The following DOCK4 variants were observed in gnomAD, a reference collection of about 807,000 sequenced individuals.
DOCK4 encodes the protein dedicator of cytokinesis protein 4.
Under a neutral mutation model 268.1 loss-of-function variants are expected in DOCK4, and 97 were observed. The observed-to-expected ratio is 0.36, with a 90% confidence interval of 0.31 to 0.43. The LOEUF (loss-of-function observed/expected upper bound fraction) is 0.43. Among genes scored for constraint, DOCK4 ranks in the 20% least tolerant of loss-of-function variants. The pLI is 1.00. For synonymous variants in DOCK4, 954 were observed against 887.2 expected, an observed-to-expected ratio of 1.08 and a Z score of -1.34; for missense variants, 2,145 against 2,455.7, an observed-to-expected ratio of 0.87 and a Z score of 2.67.
In DOCK4 at chr7:112,187,081, G is replaced by A. The variant is rs189241491; in HGVS notation, c.37+19021C>T. 1.8e-3 allele frequency among the ~76,000 whole-genome samples: 277 copies of A among 152,130 alleles called. 3 individuals carry two copies. Among genetic ancestry groups the A allele is most frequent in the African/African-American group, 6.0e-3 (250 of 41,522 alleles). On this transcript the variant is annotated intron_variant, in intron 1 of 52. Transcript: ENST00000428084. ...AAGCATGATAGACTAGCATTTATCA[G>A]TTACCTTTTTATTTTCAATCCTCAA...
chr7:111,885,097 T>C (rs903001876), intron 16 of DOCK4, among the ~76,000 whole-genome samples: 1 of 152,124 alleles, frequency 6.6e-6, no homozygotes, highest in African/African-American at 2.4e-5. Context: ...GTCATAGAAA[T>C]GAGGCTGGAA....
intron 1 of DOCK4, among the ~76,000 whole-genome samples, chr7:112,180,872 A>T (rs1818967492): frequency 6.6e-6 from 1 of 152,236 alleles, no homozygotes; most frequent in South Asian, 2.1e-4. Context: ...CATGTTGGTG[A>T]CACGGCAGTC....
intron 1 of DOCK4, among the ~76,000 whole-genome samples, chr7:112,145,040 A>G (rs776073512): frequency 2.6e-5 from 4 of 152,144 alleles, no homozygotes; most frequent in African/African-American, 4.8e-5. Context: ...AGCACTCCCT[A>G]TATGATGAAA....
intron 14 of DOCK4, among the ~76,000 whole-genome samples, chr7:111,901,069 T>C (rs1428251238): frequency 1.3e-5 from 2 of 152,194 alleles, no homozygotes; most frequent in East Asian, 3.8e-4. Flanking sequence ...TTTAAAAATA[T>C]GCTGCATTTA....
chr7:112,082,529 A>G (rs1808689918), intron 1 of DOCK4, among the ~76,000 whole-genome samples: 1 of 152,178 alleles, frequency 6.6e-6, no homozygotes, highest in South Asian at 2.1e-4. Context: ...CAAATCAAAT[A>G]AATTTCGTAA....
intron 1 of DOCK4, among the ~76,000 whole-genome samples, chr7:112,157,380 C>T (rs1157551823): frequency 6.6e-6 from 1 of 152,140 alleles, no homozygotes; most frequent in African/African-American, 2.4e-5. Context: ...CCAGATTCTA[C>T]ACCAGCTGTT....
chr7:111,863,055 G>A (rs1464441009), intron 23 of DOCK4: 1 of 279,326 alleles, frequency 3.6e-6, no homozygotes, highest in Admixed American at 5.2e-5. Context: ...AACATAAATT[G>A]ATGAAAAACT....
At chr7:111,797,247 C>A (rs1252348029) in intron 30 of DOCK4, among the ~76,000 whole-genome samples, 2 of 152,066 alleles carry the variant, frequency 1.3e-5, no homozygotes, top group African/African-American at 2.4e-5. Context: ...TCAGACAGAG[C>A]CAGGGAAAAA....
intron 25 of DOCK4, 47 bp from the exon 26 acceptor site, chr7:111,834,733 G>A (rs979330687): frequency 3.1e-6 from 4 of 1,304,614 alleles, no homozygotes; most frequent in African/African-American, 1.5e-5. Flanking sequence ...TAGTAAGGAC[G>A]TAAAAGAACA....
intron 12 of DOCK4, 44 bp from the exon 13 acceptor site, chr7:111,915,948 T>A: frequency 6.3e-7 from 1 of 1,581,250 alleles, no homozygotes. Context: ...AGAATAGAAA[T>A]AGAATAAAGA....
intron 52 of DOCK4, among the ~76,000 whole-genome samples, chr7:111,729,550 AAAAT>A (rs936721473): frequency 5.0e-4 from 76 of 152,338 alleles, no homozygotes; most frequent in African/African-American, 1.6e-3. Context: ...CCTGTCTCAA[AAAAT>A]AAATAAAGGT....
At chr7:112,104,466 C>A (rs1442499212) in intron 1 of DOCK4, among the ~76,000 whole-genome samples, 2 of 152,126 alleles carry the variant, frequency 1.3e-5, no homozygotes, top group Non-Finnish European at 2.9e-5. Context: ...CCTCTTTAGG[C>A]ATAATTGCAG....
rs184765224 is a variant in DOCK4 at position 111,800,733 on chromosome 7, A to C, written c.3166+8088T>G. 2.0e-5 allele frequency among the ~76,000 whole-genome samples: 3 copies of C among 152,310 alleles called. No homozygotes were observed. In the East Asian group the frequency reaches 5.8e-4, roughly 29 times the overall value. On this transcript the variant is annotated intron_variant, in intron 30 of 52. Coordinates refer to ENST00000428084, the MANE Select transcript of DOCK4 (RefSeq NM_001363540.2). ...CAGTGCTGCAAACAAAGCCAAACAC[A>C]GACACGCTATTCTTCCAAAAACCCT... is the stretch of plus-strand genomic sequence containing the variant.
At chr7:111,946,039 T>G (rs1024726436) in intron 8 of DOCK4, among the ~76,000 whole-genome samples, 2 of 152,188 alleles carry the variant, frequency 1.3e-5, no homozygotes, top group Non-Finnish European at 2.9e-5. Context: ...GACATTAACT[T>G]TTGAAAGACT....
chr7:111,818,821 T>C (rs565474226), intron 27 of DOCK4, among the ~76,000 whole-genome samples: 34 of 152,238 alleles, frequency 2.2e-4, no homozygotes, highest in Non-Finnish European at 4.7e-4. Flanking sequence ...TACCTACTGA[T>C]AGAATCATTA....
intron 1 of DOCK4, among the ~76,000 whole-genome samples, chr7:112,079,473 A>C (rs1230598643): frequency 6.6e-6 from 1 of 152,196 alleles, no homozygotes; most frequent in African/African-American, 2.4e-5. Context: ...GCTGTACTCT[A>C]CTTGTAAATT....
intron 1 of DOCK4, among the ~76,000 whole-genome samples, chr7:112,100,499 G>A (rs936584310): frequency 6.6e-6 from 1 of 152,384 alleles, no homozygotes; most frequent in East Asian, 1.9e-4. Context: ...GAGCCTGCTA[G>A]AGACCTGTTC....
intron 47 of DOCK4, among the ~76,000 whole-genome samples, chr7:111,740,728 C>CAAA: frequency 7.3e-5 from 1 of 13,760 alleles, no homozygotes; most frequent in Non-Finnish European, 1.9e-4. Context: ...GTGAGACTCG[C>CAAA]TAAAAAAAAA....
At chr7:111,819,982 G>A (rs923976573) in intron 27 of DOCK4, 1 of 152,190 alleles carries the variant, frequency 6.6e-6, no homozygotes, top group African/African-American at 2.4e-5. Flanking sequence ...TCTTCCTAGT[G>A]TATGCTCTTT....
Sources: gnomAD v4.1 joint callset for allele counts (sites outside exome capture counted in the v4.1 genomes callset) on GRCh38, gnomAD v4.1.1 for gene constraint, MANE v1.5 for transcripts, NCBI Gene and HGNC (gene_info 2026-07-23, HGNC 2026-07-21) for gene names.